The following C1QTNF5 variants were observed in gnomAD, a reference collection of about 807,000 sequenced individuals.
C1QTNF5 encodes the protein complement C1q tumor necrosis factor-related protein 5.
Under a neutral mutation model 10.9 loss-of-function variants are expected in C1QTNF5, and 5 were observed. That is an observed-to-expected ratio of 0.46 (90% CI 0.24 to 0.97). C1QTNF5 has a LOEUF of 0.97. C1QTNF5 is among the 50% of genes least tolerant of loss of function. The probability of loss-of-function intolerance (pLI) is 0.19; values close to 1 mark genes in which losing one functional copy is unlikely to be tolerated. For synonymous variants in C1QTNF5, 161 were observed against 156.5 expected (o/e 1.03, Z -0.22); for missense variants, 281 against 339.4 (o/e 0.83, Z 1.35).
upstream of C1QTNF5, chr11:119,343,986 G>A (rs781686887): frequency 9.3e-6 from 15 of 1,610,084 alleles, no homozygotes; most frequent in Admixed American, 1.7e-5. Context: ...CATAGGTGGA[G>A]CAATTCATGG....
chr11:119,345,026 G>A (rs901440921), upstream of C1QTNF5: 3 of 1,596,134 alleles, frequency 1.9e-6, no homozygotes, highest in East Asian at 2.3e-5. Flanking sequence ...CAGGTTGGGG[G>A]TGAGGGAGGC....
In C1QTNF5 at chr11:119,340,244, GGCCATCGCGGCCCGGCAA is replaced by G; in HGVS notation, c.136_153del (p.Leu46_Gly51del). On this transcript the variant is annotated inframe_deletion, in exon 2 of 3. Transcript: ENST00000528368. The stretch of plus-strand genomic sequence containing the variant: ...CCGGGCGCGCCGTCGCGGCCGTCGC[GGCCATCGCGGCCCGGCAA>G]GCCCTGGCTGCCATGGTGGCCCGGC... 1 of 1,514,416 alleles carries G rather than the reference GGCCATCGCGGCCCGGCAA, an allele frequency of 6.6e-7. No homozygotes were observed. Among genetic ancestry groups the G allele is most frequent in the Non-Finnish European group, 8.8e-7 (1 of 1,134,318 alleles). The allele number at this position is 1,514,416 out of a possible 1,614,324, so 93.8% of individuals were successfully genotyped here.
At position 119,339,971 on chromosome 11, in the gene C1QTNF5, G is replaced by T. The variant is rs2069934127; in HGVS notation, c.215-123C>A. The T allele has an allele frequency of 5.5e-5, 73 of 1,338,232 alleles. No individual in the cohort carries two copies. The South Asian group carries it at 1.1e-3, about 20-fold the overall frequency. The allele number at this position is 1,338,232 out of a possible 1,614,324, so 82.9% of individuals were successfully genotyped here. A position where few individuals can be genotyped will look rare whatever the true frequency, so the allele number is the denominator to read the frequency against. ...TGAGCTTCGGCCAGCGCCTCCTCCC[G>T]CACGGGTACCTCCTCCACCCCTTCC... On this transcript the variant is annotated intron_variant, in intron 2 of 2. Coordinates refer to ENST00000528368, the MANE Select transcript of C1QTNF5 (RefSeq NM_001278431.2). The surrounding 1 kb of genome is among the most constrained non-coding windows in gnomAD (Gnocchi z 5.4).
upstream of C1QTNF5, chr11:119,345,288 G>T: frequency 1.1e-6 from 1 of 930,978 alleles, no homozygotes; most frequent in Non-Finnish European, 1.7e-6. Context: ...CAAGGTGGTG[G>T]CAGAGCTGGG....
chr11:119,340,233 G>C lies in C1QTNF5; in HGVS notation c.165C>G (p.Arg55=). 2 of 1,512,302 alleles carry C rather than the reference G, an allele frequency of 1.3e-6. No homozygotes were observed. Among genetic ancestry groups the C allele is most frequent in the Non-Finnish European group, 1.8e-6 (2 of 1,133,332 alleles). The allele number at this position is 1,512,302 out of a possible 1,614,324, so 93.7% of individuals were successfully genotyped here. A position where few individuals can be genotyped will look rare whatever the true frequency, so the allele number is the denominator to read the frequency against. ...GLPGRDGRDG[R]DGAPGAPGEK... is the part of the protein sequence containing the mutation. ...CTCCCGGAGCCCCGGGCGCGCCGTC[G>C]CGGCCGTCGCGGCCATCGCGGCCCG... The change falls in exon 2 of 3, where the codon CGC becomes CGG. Residue 55 remains arginine, a synonymous_variant. Transcript: ENST00000528368.
At position 119,340,841 on chromosome 11, in the gene C1QTNF5, T is replaced by G; in HGVS notation, c.-190A>C. On this transcript the variant is annotated 5_prime_UTR_variant, in exon 1 of 3. Coordinates refer to ENST00000528368, the MANE Select transcript of C1QTNF5 (RefSeq NM_001278431.2). ...CAGTCCTGGTTCGCTCCCTGCCGGC[T>G]CCGCTTTCCTCCTCCCAGACTCCAA... is the stretch of plus-strand genomic sequence containing the variant. 1 of 188,348 alleles carries G rather than the reference T, an allele frequency of 5.3e-6. No individual in the cohort carries two copies. Among genetic ancestry groups the G allele is most frequent in the African/African-American group, 2.4e-5 (1 of 42,160 alleles). 11.7% of individuals were successfully genotyped at this position (188,348 alleles called of 1,614,324 possible).
chr11:119,343,071 C>T (rs1319911176), upstream of C1QTNF5: 9 of 1,543,824 alleles, frequency 5.8e-6, no homozygotes, highest in Middle Eastern at 4.4e-4. Flanking sequence ...CAGCCTCCCA[C>T]AGGCCTGGCT....
At chr11:119,342,917 C>T, upstream of C1QTNF5, 3 of 1,613,006 alleles carry the variant, frequency 1.9e-6, no homozygotes, top group South Asian at 3.3e-5. Context: ...GAAGCCTCCA[C>T]TGCTGATGCC....
upstream of C1QTNF5, chr11:119,343,978 T>G (rs200069261): frequency 6.8e-4 from 1,094 of 1,610,298 alleles, 1 homozygote; most frequent in Non-Finnish European, 8.6e-4. Flanking sequence ...GGGGAGGGCA[T>G]AGGTGGAGCA....
chr11:119,344,287 C>T (rs1443518307), upstream of C1QTNF5: 1 of 1,606,992 alleles, frequency 6.2e-7, no homozygotes, highest in South Asian at 1.1e-5. Flanking sequence ...GTGTGCCCCT[C>T]CCGTTCTGCA....
In C1QTNF5 at chr11:119,340,379, G is replaced by T. The variant is rs1193741150; in HGVS notation, c.19C>A (p.Leu7Met). 6.5e-7 allele frequency: 1 copy of T among 1,545,462 alleles called. No individual in the cohort carries two copies. Among genetic ancestry groups the T allele is most frequent in the East Asian group, 2.5e-5 (1 of 40,740 alleles). Residue 7 changes from leucine (L) to methionine (M), a missense_variant, in exon 2 of 3, where the codon CTG becomes ATG. Leu to Met is a conservative substitution (Grantham distance 15). Coordinates refer to ENST00000528368, the MANE Select transcript of C1QTNF5 (RefSeq NM_001278431.2). MRPLLV[L>M]LLLGLAAGSP... ...CCGGCCGCCAGGCCCAGGAGCAGCA[G>T]GACGAGGAGTGGCCTCATAGCGCTG...
chr11:119,342,658 A>G, upstream of C1QTNF5: 8 of 1,613,620 alleles, frequency 5.0e-6, no homozygotes, highest in Non-Finnish European at 6.8e-6. Context: ...GTCTCTCCAC[A>G]TGTCACACAT....
At chr11:119,345,461 A>T (rs1236282593), upstream of C1QTNF5, 1 of 1,613,868 alleles carries the variant, frequency 6.2e-7, no homozygotes, top group Non-Finnish European at 8.5e-7. Context: ...GTTCCAAGCG[A>T]TCAAAAAGGC....
At chr11:119,346,115 G>A in the C1QTNF5 span, 3 of 1,605,914 alleles carry the variant, frequency 1.9e-6, no homozygotes, top group Admixed American at 3.4e-5. Context: ...AGGACACAGA[G>A]CCAGGAGAAG....
rs146971652 is a variant in C1QTNF5, at chr11:119,339,670, G to T, written c.393C>A (p.Asn131Lys). The T allele has an allele frequency of 1.5e-4, 239 of 1,611,484 alleles. No individual in the cohort carries two copies. Among genetic ancestry groups the T allele is most frequent in the Admixed American group, 2.8e-4 (17 of 60,034 alleles). Reference protein sequence around the residue: ...APLPFDRVLVNEQGHYDAVTG... With the variant: ...APLPFDRVLVKEQGHYDAVTG... ...TGACGGCGTCGTAATGTCCCTGCTC[G>T]TTCACCAGCACGCGGTCGAAGGGCA... Residue 131 changes from asparagine (N) to lysine (K), a missense_variant, in exon 3 of 3, where the codon AAC (asparagine) becomes AAA (lysine). Asn to Lys is a moderately conservative substitution (Grantham distance 94). Coordinates refer to ENST00000528368, the MANE Select transcript of C1QTNF5 (RefSeq NM_001278431.2). This position sits in a 1 kb window ranked among gnomAD's most constrained non-coding sequence, Gnocchi z 5.4.
intron 2 of C1QTNF5, 116 bp downstream of exon 2, chr11:119,340,068 A>G: frequency 1.5e-6 from 2 of 1,329,492 alleles, no homozygotes; most frequent in Non-Finnish European, 2.0e-6. Context: ...CAGGGCTGCA[A>G]AGCGCGGGGA....
chr11:119,344,643 G>T (rs765602698), upstream of C1QTNF5: 2 of 1,614,060 alleles, frequency 1.2e-6, no homozygotes, highest in South Asian at 2.2e-5. Flanking sequence ...CGAGAACTTG[G>T]CACTGCAATT....
upstream of C1QTNF5, chr11:119,343,666 C>G (rs140352222): frequency 1.3e-3 from 1,267 of 964,874 alleles, 2 homozygotes; most frequent in Non-Finnish European, 1.8e-3. Flanking sequence ...GAGGTGAGAG[C>G]TGTCTTTAGG....
chr11:119,342,822 C>A, upstream of C1QTNF5: 1 of 1,613,050 alleles, frequency 6.2e-7, no homozygotes, highest in Non-Finnish European at 8.5e-7. Flanking sequence ...CCTTGTCTGT[C>A]CCCCTGGAGG....
Sources: gnomAD v4.1 joint callset for allele counts on GRCh38, gnomAD v4.1.1 for gene constraint, Gnocchi (gnomAD v3.1) non-coding constraint, MANE v1.5 for transcripts, NCBI Gene and HGNC (gene_info 2026-07-23, HGNC 2026-07-21) for gene names.